The following FBXO8 variants were observed in gnomAD, a reference collection of about 807,000 sequenced individuals.
FBXO8 encodes the protein F-box protein 8, also known as F-box only protein 8.
A neutral mutation model predicts 33.4 loss-of-function variants in FBXO8; 15 were observed. That is an observed-to-expected ratio of 0.45 (90% confidence interval 0.30 to 0.69). The LOEUF is 0.69. Among genes scored for constraint, FBXO8 ranks in the 30% least tolerant of loss-of-function variants. The pLI is 0.08. For synonymous variants in FBXO8, 132 were observed against 131.5 expected (o/e 1.00, Z -0.02); for missense variants, 274 against 380.3 (o/e 0.72, Z 2.32).
Position 174,241,732 on chromosome 4 carries a change from G to A in FBXO8, c.457-514C>T, listed in dbSNP as rs114109131. On this transcript the variant is annotated intron_variant, in intron 3 of 5. Transcript: ENST00000393674. This position sits in a 1 kb window ranked among gnomAD's most constrained non-coding sequence, Gnocchi z 4.2. ...AATTATTTAACTTAAAGTAAAGGAA[G>A]CCCAACTCCAAACCAATGTATAGGT... 8.2e-4 allele frequency among the ~76,000 whole-genome samples: 125 copies of A among 151,560 alleles called. 1 individual carries two copies. Among genetic ancestry groups the A allele is most frequent in the African/African-American group, 2.8e-3 (118 of 41,482 alleles).
rs759345623 is a variant in FBXO8, at chr4:174,256,307, A to T, written c.456+3392T>A. ...AAAGCATCACATATTTAAACGTATC[A>T]TCAAAACTAATTTACTGCTCAGAGT... On this transcript the variant is annotated intron_variant, in intron 3 of 5. Transcript: ENST00000393674. The surrounding 1 kb of genome is among the most constrained non-coding windows in gnomAD (Gnocchi z 4.6). Among the ~76,000 whole-genome samples, 7 of 152,232 alleles carry T rather than the reference A, an allele frequency of 4.6e-5. No individual in the cohort carries two copies. The highest frequency in any genetic ancestry group is 7.2e-5 in the African/African-American group (3 of 41,466).
rs1736981466 is a variant in FBXO8, at chr4:174,277,260, A to G, written c.-9+6150T>C. ...TGTTTTGTTTCCTATTCAAAATAGT[A>G]GACTATTTCTTAAAAAGACTAAAAT... On this transcript the variant is annotated intron_variant, in intron 1 of 5. Transcript: ENST00000393674. This position sits in a 1 kb window ranked among gnomAD's most constrained non-coding sequence, Gnocchi z 4.9. Among the ~76,000 whole-genome samples, 1 of 152,190 alleles carries G rather than the reference A, an allele frequency of 6.6e-6. No homozygotes were observed. The highest frequency in any genetic ancestry group is 2.4e-5 in the African/African-American group (1 of 41,458).
chr4:174,265,394 G>A lies in FBXO8; in HGVS notation c.-8-2294C>T, dbSNP rs1736671478. On this transcript the variant is annotated intron_variant, in intron 1 of 5. Coordinates refer to ENST00000393674, the MANE Select transcript of FBXO8 (RefSeq NM_012180.3). The surrounding 1 kb of genome is among the most constrained non-coding windows in gnomAD (Gnocchi z 4.7). The stretch of plus-strand genomic sequence containing the variant: ...TATGTCCACACAAAAACCTACACGT[G>A]AATGTTTAAAGCAGTTTTGGTAATT... Among the ~76,000 whole-genome samples the A allele has an allele frequency of 6.6e-6, 1 of 152,012 alleles. No individual in the cohort carries two copies. Among genetic ancestry groups the A allele is most frequent in the African/African-American group, 2.4e-5 (1 of 41,434 alleles).
rs1190764359 is a variant in FBXO8 at position 174,283,007 on chromosome 4, A to G, written c.-9+403T>C. 6.6e-6 allele frequency among the ~76,000 whole-genome samples: 1 copy of G among 152,220 alleles called. No individual in the cohort carries two copies. Among genetic ancestry groups the G allele is most frequent in the Non-Finnish European group, 1.5e-5 (1 of 68,032 alleles). ...CTTAACTATACTTGTGTTTGCATTC[A>G]TATTACTGGAAAGTGGTAAAGAACC... On this transcript the variant is annotated intron_variant, in intron 1 of 5. Transcript: ENST00000393674. The surrounding 1 kb of genome is among the most constrained non-coding windows in gnomAD (Gnocchi z 6.7).
intron 3 of FBXO8, among the ~76,000 whole-genome samples, chr4:174,243,616 T>C (rs1266549643): frequency 6.7e-6 from 1 of 150,244 alleles, no homozygotes; most frequent in African/African-American, 2.4e-5. Flanking sequence ...CAGCATGAGG[T>C]CTGTTGAATA....
In FBXO8 at chr4:174,254,274, A is replaced by G. The variant is rs942845821; in HGVS notation, c.456+5425T>C. On this transcript the variant is annotated intron_variant, in intron 3 of 5. Transcript: ENST00000393674. This position sits in a 1 kb window ranked among gnomAD's most constrained non-coding sequence, Gnocchi z 4.2. ...TATGCTATCTGGCATTGTTTGAAGTATGTGTGTCTTACTGTCAACTTGGTT... is the reference window on the plus strand; with the variant it reads ...TATGCTATCTGGCATTGTTTGAAGTGTGTGTGTCTTACTGTCAACTTGGTT... 2.0e-5 allele frequency among the ~76,000 whole-genome samples: 3 copies of G among 152,286 alleles called. No homozygotes were observed. Among genetic ancestry groups the G allele is most frequent in the Non-Finnish European group, 4.4e-5 (3 of 68,024 alleles).
At position 174,239,088 on chromosome 4, in the gene FBXO8, C is replaced by T. The variant is rs1735966610; in HGVS notation, c.678G>A (p.Glu226=). The change falls in exon 5 of 6, where the codon GAG becomes GAA. Residue 226 remains glutamate, a synonymous_variant. Transcript: ENST00000393674. Reference sequence around the variant, plus strand: ...TAAGAGTTTCAAGATACTCTCCACGCTCTTCAGGGGCATGGATATGACGAA... The same window carrying T: ...TAAGAGTTTCAAGATACTCTCCACGTTCTTCAGGGGCATGGATATGACGAA... ...EFFRHIHAPE[E]RGEYLETLIT... The T allele has an allele frequency of 3.7e-6, 6 of 1,608,792 alleles. No individual in the cohort carries two copies. Among genetic ancestry groups the T allele is most frequent in the Middle Eastern group, 3.3e-4 (2 of 6,044 alleles).
rs970097737 is a variant in FBXO8 at position 174,237,769 on chromosome 4, A to C, written c.773-170T>G. On this transcript the variant is annotated intron_variant, in intron 5 of 5. Transcript: ENST00000393674. This position sits in a 1 kb window ranked among gnomAD's most constrained non-coding sequence, Gnocchi z 4.4. ...CTAGACTCTTCCCAGTTTTGCACTG[A>C]AAGTCCTGTCATCCTGGGAAACTCA... is the stretch of plus-strand genomic sequence containing the variant. Among the ~76,000 whole-genome samples the C allele has an allele frequency of 6.6e-6, 1 of 152,102 alleles. No individual in the cohort carries two copies. The highest frequency in any genetic ancestry group is 1.5e-5 in the Non-Finnish European group (1 of 67,952).
At chr4:174,248,450 AG>A (rs910111722) in intron 3 of FBXO8, among the ~76,000 whole-genome samples, 16 of 152,050 alleles carry the variant, frequency 1.1e-4, no homozygotes, top group African/African-American at 3.9e-4. Flanking sequence ...CTAAGAGGAA[AG>A]GGGGCAGTGA....
In FBXO8 at chr4:174,256,372, A is replaced by G. The variant is rs907388724; in HGVS notation, c.456+3327T>C. 6.6e-6 allele frequency among the ~76,000 whole-genome samples: 1 copy of G among 152,180 alleles called. No homozygotes were observed. Among genetic ancestry groups the G allele is most frequent in the South Asian group, 2.1e-4 (1 of 4,832 alleles). On this transcript the variant is annotated intron_variant, in intron 3 of 5. Coordinates refer to ENST00000393674, the MANE Select transcript of FBXO8 (RefSeq NM_012180.3). The surrounding 1 kb of genome is among the most constrained non-coding windows in gnomAD (Gnocchi z 4.6). ...ATAATATATCTGATGACAGTGCTCC[A>G]GTGAGTGGGGAAAAAGAAAACAAAA...
chr4:174,266,352 T>C (rs550612883), intron 1 of FBXO8, among the ~76,000 whole-genome samples: 2 of 152,352 alleles, frequency 1.3e-5, no homozygotes, highest in East Asian at 3.9e-4. Context: ...GTATTCCTAC[T>C]GCTAAACAAT....
At chr4:174,238,468 T>G (rs1735939659) in intron 5 of FBXO8, among the ~76,000 whole-genome samples, 1 of 151,674 alleles carries the variant, frequency 6.6e-6, no homozygotes, top group South Asian at 2.1e-4. Flanking sequence ...TATGAAAAGA[T>G]AAGCTATATG....
Position 174,263,056 on chromosome 4 carries a change from G to A in FBXO8, c.37C>T (p.Gln13Ter). ...TCACTGTAGCCTTCTTGTTGCAGCT[G>A]CTGGTTTCTGACCACTCTCCACAAC... ...QGLWRVVRNQQLQQEGYSEQG... is the reference protein window; with the variant it reads ...QGLWRVVRNQ Residue 13 changes from glutamine to a stop codon, truncating the protein, a stop_gained, in exon 2 of 6, where the codon CAG (glutamine) becomes TAG (stop). Transcript: ENST00000393674. LOFTEE classifies it high-confidence loss of function. The surrounding 1 kb of genome is among the most constrained non-coding windows in gnomAD (Gnocchi z 4.2). The A allele has an allele frequency of 6.2e-7, 1 of 1,613,896 alleles. No individual in the cohort carries two copies. The highest frequency in any genetic ancestry group is 8.5e-7 in the Non-Finnish European group (1 of 1,179,898).
In FBXO8 at chr4:174,272,903, A is replaced by T. The variant is rs1736872582; in HGVS notation, c.-8-9803T>A. On this transcript the variant is annotated intron_variant, in intron 1 of 5. Transcript: ENST00000393674. This position sits in a 1 kb window ranked among gnomAD's most constrained non-coding sequence, Gnocchi z 4.7. ...TGTGATGCCCTGAGGACACAACATC[A>T]TTATATAGTATTCCAGCCAAAAATC... Among the ~76,000 whole-genome samples the T allele has an allele frequency of 6.6e-6, 1 of 152,220 alleles. No homozygotes were observed. Among genetic ancestry groups the T allele is most frequent in the Non-Finnish European group, 1.5e-5 (1 of 68,030 alleles).
chr4:174,273,847 A>AATT (rs140273163), intron 1 of FBXO8, among the ~76,000 whole-genome samples: 2 of 151,768 alleles, frequency 1.3e-5, no homozygotes, highest in Admixed American at 1.3e-4. Context: ...TCAGTTTAAG[A>AATT]ATTATTATTA....
intron 1 of FBXO8, among the ~76,000 whole-genome samples, chr4:174,266,691 T>C (rs150623712): frequency 1.5e-3 from 221 of 152,320 alleles, no homozygotes; most frequent in African/African-American, 4.9e-3. Flanking sequence ...ATCCTGACTT[T>C]ATTAGTTCTT....
chr4:174,241,920 A>G lies in FBXO8; in HGVS notation c.457-702T>C, dbSNP rs17291408. On this transcript the variant is annotated intron_variant, in intron 3 of 5. Coordinates refer to ENST00000393674, the MANE Select transcript of FBXO8 (RefSeq NM_012180.3). The surrounding 1 kb of genome is among the most constrained non-coding windows in gnomAD (Gnocchi z 4.2). The stretch of plus-strand genomic sequence containing the variant: ...AAAGTTTTCCAGAGAAGCATTACCC[A>G]TAAGTTTTTACCTACTTTAGATTTA... Among the ~76,000 whole-genome samples the G allele has an allele frequency of 0.26, 39,826 of 151,322 alleles. 6,411 individuals are homozygous for G. The highest frequency in any genetic ancestry group is 0.37 in the Non-Finnish European group (24,632 of 67,368).
Position 174,282,894 on chromosome 4 carries a change from C to A in FBXO8, c.-9+516G>T, listed in dbSNP as rs377099725. Among the ~76,000 whole-genome samples the A allele has an allele frequency of 5.9e-5, 9 of 152,222 alleles. No homozygotes were observed. The East Asian group carries it at 1.2e-3, about 20-fold the overall frequency. On this transcript the variant is annotated intron_variant, in intron 1 of 5. Coordinates refer to ENST00000393674, the MANE Select transcript of FBXO8 (RefSeq NM_012180.3). ...AACCTTCTACGTAAGAGATTAGAAC[C>A]CAGTCGCTGAGAAACAAATAAAAGA...
At chr4:174,280,978 A>G (rs1181349588) in intron 1 of FBXO8, among the ~76,000 whole-genome samples, 1 of 152,206 alleles carries the variant, frequency 6.6e-6, no homozygotes, top group Non-Finnish European at 1.5e-5. Context: ...TTATCAATGT[A>G]ATTAATACCA....
Sources: allele counts gnomAD v4.1 joint callset (sites outside exome capture counted in the v4.1 genomes callset), GRCh38; gene constraint gnomAD v4.1.1; non-coding constraint Gnocchi (gnomAD v3.1); transcripts MANE v1.5; gene names NCBI Gene and HGNC (gene_info 2026-07-23, HGNC 2026-07-21).